GALNT10: variants seen among roughly 807,000 people sequenced by gnomAD.
GALNT10 encodes polypeptide N-acetylgalactosaminyltransferase 10, also known as GalNAc transferase 10.
GALNT10 carries 41 observed loss-of-function variants against 75.0 expected under a neutral mutation model. The observed-to-expected ratio is 0.55, with a 90% confidence interval of 0.43 to 0.71. GALNT10 has a LOEUF of 0.71. Ranked by LOEUF, GALNT10 falls within the 30% of genes least tolerant of loss-of-function variation. The pLI, the probability that GALNT10 is intolerant of heterozygous loss-of-function variation, is 0.00. For missense variants in GALNT10, 727 were observed against 818.5 expected (o/e 0.89, Z 1.36); for synonymous variants, 302 against 313.0 (o/e 0.96, Z 0.37).
intron 3 of GALNT10, among the ~76,000 whole-genome samples, chr5:154,314,854 T>TAA (rs536722211): frequency 6.7e-6 from 1 of 148,550 alleles, no homozygotes; most frequent in Non-Finnish European, 1.5e-5. Flanking sequence ...ATAATTTCCT[T>TAA]AAAAAAAAAA....
At chr5:154,283,073 A>G (rs1754060946) in intron 1 of GALNT10, among the ~76,000 whole-genome samples, 2 of 151,956 alleles carry the variant, frequency 1.3e-5, no homozygotes, top group South Asian at 4.2e-4. Context: ...GTCTGGGAAG[A>G]CTGTCCTTTG....
chr5:154,387,077 TA>T (rs1484304060), intron 7 of GALNT10: 1 of 152,404 alleles, frequency 6.6e-6, no homozygotes. Flanking sequence ...AGAAAGTGCT[TA>T]GCATACAACC....
At chr5:154,355,034 T>C (rs1755265767) in intron 4 of GALNT10, among the ~76,000 whole-genome samples, 1 of 152,244 alleles carries the variant, frequency 6.6e-6, no homozygotes, top group Non-Finnish European at 1.5e-5. Context: ...TACTGAATTA[T>C]GACATCCACA....
chr5:154,391,590 G>A (rs1278847406), intron 7 of GALNT10, among the ~76,000 whole-genome samples: 2 of 152,160 alleles, frequency 1.3e-5, no homozygotes, highest in African/African-American at 4.8e-5. Flanking sequence ...TGGCCCTACT[G>A]CTCTCTCCTT....
chr5:154,415,656 G>A (rs1177139735), intron 10 of GALNT10, 127 bp from the exon 11 acceptor site: 2 of 934,316 alleles, frequency 2.1e-6, no homozygotes, highest in African/African-American at 1.7e-5. Context: ...AAGCTAGGTG[G>A]TTAGAACAGG....
intron 1 of GALNT10, among the ~76,000 whole-genome samples, chr5:154,225,118 A>G (rs1427802269): frequency 6.7e-6 from 1 of 148,796 alleles, no homozygotes; most frequent in East Asian, 2.0e-4. Context: ...TTTTAGACAG[A>G]GTCTTGCTCT....
At chr5:154,227,529 A>G (rs182929037) in intron 1 of GALNT10, among the ~76,000 whole-genome samples, 85 of 152,270 alleles carry the variant, frequency 5.6e-4, no homozygotes, top group Non-Finnish European at 1.1e-3. Context: ...CTGAATTTTG[A>G]GAGTCCTTTA....
At chr5:154,290,044 T>G (rs1409106780) in intron 1 of GALNT10, among the ~76,000 whole-genome samples, 2 of 151,932 alleles carry the variant, frequency 1.3e-5, no homozygotes, top group Non-Finnish European at 2.9e-5. Flanking sequence ...TCCATTAAGG[T>G]TTTTGGATAG....
At chr5:154,192,884 T>G (rs1446613652) in intron 1 of GALNT10, among the ~76,000 whole-genome samples, 3 of 152,172 alleles carry the variant, frequency 2.0e-5, no homozygotes, top group Admixed American at 6.5e-5. Flanking sequence ...CTGATTTTCA[T>G]TTCTGTAGAC....
chr5:154,347,221 G>A (rs777866950), intron 4 of GALNT10: 2 of 475,644 alleles, frequency 4.2e-6, no homozygotes, highest in East Asian at 1.5e-4. Context: ...GACTCAGTGA[G>A]GTGAAACTGA....
At chr5:154,354,140 G>A (rs1033589912) in intron 4 of GALNT10, among the ~76,000 whole-genome samples, 6 of 152,152 alleles carry the variant, frequency 3.9e-5, no homozygotes, top group Non-Finnish European at 5.9e-5. Flanking sequence ...TTTTGTGACC[G>A]TTCCAAAAGC....
At chr5:154,311,445 C>T (rs1298855726) in intron 3 of GALNT10, among the ~76,000 whole-genome samples, 1 of 152,174 alleles carries the variant, frequency 6.6e-6, no homozygotes, top group African/African-American at 2.4e-5. Context: ...TTTACAGATG[C>T]ACAAACTAAA....
chr5:154,385,189 A>C (rs980636937), intron 6 of GALNT10, among the ~76,000 whole-genome samples: 1 of 152,198 alleles, frequency 6.6e-6, no homozygotes, highest in African/African-American at 2.4e-5. Flanking sequence ...TTTCCAGTGC[A>C]TCCAGACAAG....
At chr5:154,300,594 C>G (rs1212139371) in intron 3 of GALNT10, among the ~76,000 whole-genome samples, 1 of 152,298 alleles carries the variant, frequency 6.6e-6, no homozygotes, top group South Asian at 2.1e-4. Flanking sequence ...GTGGTCACAG[C>G]TTTCTTCCAT....
At chr5:154,348,184 G>T (rs149928148) in intron 4 of GALNT10, among the ~76,000 whole-genome samples, 1 of 152,200 alleles carries the variant, frequency 6.6e-6, no homozygotes, top group East Asian at 1.9e-4. Context: ...TGTACAGAGC[G>T]TTGAAATCAT....
At position 154,238,262 on chromosome 5, in the gene GALNT10, C is replaced by T. The variant is rs529537524; in HGVS notation, c.159+47237C>T. On this transcript the variant is annotated intron_variant, in intron 1 of 11. Transcript: ENST00000297107. ...TGCTTTAAGTGAATTTTCTTAATGCCCTCTATTTCCTTCAACCATAAAGTT... is the reference window on the plus strand; with the variant it reads ...TGCTTTAAGTGAATTTTCTTAATGCTCTCTATTTCCTTCAACCATAAAGTT... Among the ~76,000 whole-genome samples, 69 of 151,070 alleles carry T rather than the reference C, an allele frequency of 4.6e-4. 2 individuals carry two copies. The South Asian group carries it at 0.012, about 26-fold the overall frequency.
At chr5:154,330,908 GGTGTGTGTGTGT>G (rs370103391) in intron 4 of GALNT10, among the ~76,000 whole-genome samples, 1 of 125,920 alleles carries the variant, frequency 7.9e-6, no homozygotes, top group African/African-American at 2.7e-5. Context: ...AGACAGAGAG[GGTGTGTGTGTGT>G]GTGTGTGTGT....
At chr5:154,257,351 C>T (rs1412340916) in intron 1 of GALNT10, among the ~76,000 whole-genome samples, 1 of 152,174 alleles carries the variant, frequency 6.6e-6, no homozygotes, top group East Asian at 1.9e-4. Flanking sequence ...CCAAAGCTGC[C>T]TCACCCTGGA....
chr5:154,246,305 G>A (rs919484466), intron 1 of GALNT10, among the ~76,000 whole-genome samples: 3 of 152,144 alleles, frequency 2.0e-5, no homozygotes, highest in Non-Finnish European at 2.9e-5. Context: ...ATGATTTATA[G>A]TCCTTTGGGT....
Sources: gnomAD v4.1 joint callset for allele counts (sites outside exome capture counted in the v4.1 genomes callset) on GRCh38, gnomAD v4.1.1 for gene constraint, MANE v1.5 for transcripts, NCBI Gene and HGNC (gene_info 2026-07-23, HGNC 2026-07-21) for gene names.